The following SAMD4A variants were observed in gnomAD, a reference collection of about 807,000 sequenced individuals.
SAMD4A encodes the protein protein Smaug homolog 1.
In SAMD4A, 33 loss-of-function variants were observed where a neutral mutation model predicts 81.3. The ratio of observed to expected loss-of-function variants is 0.41; its 90% CI spans 0.31 to 0.54. The LOEUF (loss-of-function observed/expected upper bound fraction) is 0.54. Among genes scored for constraint, SAMD4A ranks in the 20% least tolerant of loss-of-function variants. The pLI, the probability that SAMD4A is intolerant of heterozygous loss-of-function variation, is 0.37. For synonymous variants in SAMD4A, 389 were observed against 382.1 expected (o/e 1.02, Z -0.21); for missense variants, 854 against 951.1 (o/e 0.90, Z 1.34).
At chr14:54,597,584 C>CTTTTTTTTTTTTT (rs71127662) in intron 2 of SAMD4A, among the ~76,000 whole-genome samples, 2 of 90,876 alleles carry the variant, frequency 2.2e-5, no homozygotes, top group Non-Finnish European at 2.2e-5. Flanking sequence ...TTCCTTCTAT[C>CTTTTTTTTTTTTT]TTTTTTTTTT....
chr14:54,743,850 G>C (rs1014667710), intron 4 of SAMD4A, among the ~76,000 whole-genome samples: 3 of 152,222 alleles, frequency 2.0e-5, no homozygotes, highest in African/African-American at 7.2e-5. Context: ...CTGGAACAGA[G>C]TTGGGCTGCT....
Position 54,651,481 on chromosome 14 carries a change from A to G in SAMD4A, c.197-50581A>G, listed in dbSNP as rs145632255. Among the ~76,000 whole-genome samples, 88 of 152,280 alleles carry G rather than the reference A, an allele frequency of 5.8e-4. 1 individual carries two copies. In the East Asian group the frequency reaches 0.015, roughly 25 times the overall value. On this transcript the variant is annotated intron_variant, in intron 2 of 12. Transcript: ENST00000554335. ...TGTTGTCATTTAACAGATTTGCTTC[A>G]TGGGAGGTAAACTTATACTTTCTAA...
At chr14:54,579,853 C>G (rs2033415271) in intron 2 of SAMD4A, among the ~76,000 whole-genome samples, 1 of 152,154 alleles carries the variant, frequency 6.6e-6, no homozygotes, top group African/African-American at 2.4e-5. Flanking sequence ...CTTTGACAAA[C>G]TAGGAAGTGA....
chr14:54,618,564 A>G (rs1213046005), intron 2 of SAMD4A, among the ~76,000 whole-genome samples: 2 of 152,238 alleles, frequency 1.3e-5, no homozygotes, highest in East Asian at 1.9e-4. Context: ...AATCAACTGA[A>G]GAATTTAAGT....
chr14:54,681,896 G>A, intron 2 of SAMD4A: 4 of 985,432 alleles, frequency 4.1e-6, no homozygotes, highest in Non-Finnish European at 4.8e-6. Context: ...TGCTCTGGAG[G>A]ATGGAAAGAT....
chr14:54,686,645 A>T (rs1335510290), intron 2 of SAMD4A, among the ~76,000 whole-genome samples: 1 of 152,082 alleles, frequency 6.6e-6, no homozygotes, highest in Non-Finnish European at 1.5e-5. Flanking sequence ...TGAATGTGAA[A>T]AAAAGAAAAC....
chr14:54,667,931 C>T (rs903132305), intron 2 of SAMD4A, among the ~76,000 whole-genome samples: 1 of 152,182 alleles, frequency 6.6e-6, no homozygotes, highest in South Asian at 2.1e-4. Flanking sequence ...CTCGGGAGCC[C>T]TGAGGGCCTC....
intron 2 of SAMD4A, among the ~76,000 whole-genome samples, chr14:54,644,388 GCTAA>G (rs1165782455): frequency 6.6e-6 from 1 of 152,182 alleles, no homozygotes; most frequent in Non-Finnish European, 1.5e-5. Context: ...ACGGGTAATA[GCTAA>G]CTATTATTGG....
intron 6 of SAMD4A, among the ~76,000 whole-genome samples, chr14:54,759,030 G>A (rs1267553261): frequency 6.6e-6 from 1 of 152,068 alleles, no homozygotes; most frequent in Non-Finnish European, 1.5e-5. Flanking sequence ...GTGAGCATCT[G>A]GCATAGAGAA....
chr14:54,761,828 C>T (rs879647900), intron 7 of SAMD4A, among the ~76,000 whole-genome samples: 7 of 152,184 alleles, frequency 4.6e-5, no homozygotes, highest in Admixed American at 2.0e-4. Context: ...GGGTGAGGTA[C>T]CCCCTTTCAC....
chr14:54,741,894 G>A (rs2037852415), intron 4 of SAMD4A, among the ~76,000 whole-genome samples: 2 of 152,124 alleles, frequency 1.3e-5, no homozygotes, highest in South Asian at 4.1e-4. Flanking sequence ...GGGCACATGG[G>A]AAAAAGAGGT....
At chr14:54,666,441 C>A (rs970179595) in intron 2 of SAMD4A, among the ~76,000 whole-genome samples, 1 of 152,086 alleles carries the variant, frequency 6.6e-6, no homozygotes, top group Admixed American at 6.6e-5. Flanking sequence ...CCTGCAGAAC[C>A]CACCTATAGG....
In SAMD4A at chr14:54,740,676, A is replaced by G. The variant is rs544514334; in HGVS notation, c.979+3389A>G. Among the ~76,000 whole-genome samples, 159 of 152,280 alleles carry G rather than the reference A, an allele frequency of 1.0e-3. 1 individual carries two copies. Among genetic ancestry groups the G allele is most frequent in the Non-Finnish European group, 9.1e-4 (62 of 68,034 alleles). On this transcript the variant is annotated intron_variant, in intron 4 of 12. Coordinates refer to ENST00000554335, the MANE Select transcript of SAMD4A (RefSeq NM_015589.6). ...GGGTATGGAATAAATCTCATGGTCC[A>G]GCATTCTTGCTCTTTGCGTTTTTCC... is the stretch of plus-strand genomic sequence containing the variant.
At position 54,567,902 on chromosome 14, in the gene SAMD4A, G is replaced by GTTTC. The variant is rs1179087528; in HGVS notation, c.-15_-14insTTTC. 8 of 1,601,644 alleles carry GTTTC rather than the reference G, an allele frequency of 5.0e-6. No homozygotes were observed. On this transcript the variant is annotated 5_prime_UTR_variant, in exon 2 of 13. Transcript: ENST00000554335. ...CGCCCAGGGGGCTCTGTAGACCGAG[G>GTTTC]GCGGCCCCCTAACCATGATGTTTCG... is the stretch of plus-strand genomic sequence containing the variant.
chr14:54,663,467 G>A (rs999710220), intron 2 of SAMD4A, among the ~76,000 whole-genome samples: 4 of 152,104 alleles, frequency 2.6e-5, no homozygotes, highest in African/African-American at 4.8e-5. Flanking sequence ...GTGAACCTTC[G>A]CACCACATGA....
chr14:54,737,366 G>A, intron 4 of SAMD4A, 79 bp downstream of exon 4: 1 of 1,546,340 alleles, frequency 6.5e-7, no homozygotes, highest in Non-Finnish European at 8.8e-7. Flanking sequence ...AAGAGAGGTA[G>A]TCAGCAAGAG....
At chr14:54,758,578 C>T (rs2038307146) in intron 6 of SAMD4A, among the ~76,000 whole-genome samples, 1 of 152,196 alleles carries the variant, frequency 6.6e-6, no homozygotes, top group African/African-American at 2.4e-5. Context: ...GCCTGTAATC[C>T]CAGCACTTTG....
intron 2 of SAMD4A, among the ~76,000 whole-genome samples, chr14:54,631,981 G>A (rs914566784): frequency 2.6e-5 from 4 of 152,172 alleles, no homozygotes; most frequent in African/African-American, 9.7e-5. Context: ...TATACACCAG[G>A]TAGGGTGCTA....
intron 2 of SAMD4A, among the ~76,000 whole-genome samples, chr14:54,630,901 A>ATT (rs2140337427): frequency 7.5e-6 from 1 of 133,684 alleles, no homozygotes; most frequent in African/African-American, 2.9e-5. Flanking sequence ...TAAATCTTGT[A>ATT]TTTTATATGT....
Sources: gnomAD v4.1 joint callset for allele counts (sites outside exome capture counted in the v4.1 genomes callset) on GRCh38, gnomAD v4.1.1 for gene constraint, MANE v1.5 for transcripts, NCBI Gene and HGNC (gene_info 2026-07-23, HGNC 2026-07-21) for gene names.